The following MYF6 variants were observed in gnomAD, a reference collection of about 807,000 sequenced individuals.
MYF6 encodes the protein myogenic factor 6, also known as class C basic helix-loop-helix protein 4.
MYF6 carries 20 observed loss-of-function variants against 21.7 expected under a neutral mutation model. The ratio of observed to expected loss-of-function variants is 0.92; its 90% CI spans 0.65 to 1.34. The LOEUF is 1.34. Ranked by LOEUF, MYF6 falls within the 40% of genes most tolerant of loss-of-function variation. MYF6 has a pLI of 0.00. For missense variants in MYF6, 320 were observed against 304.1 expected, an observed-to-expected ratio of 1.05 and a Z score of -0.39; for synonymous variants, 124 against 124.7, an observed-to-expected ratio of 0.99 and a Z score of 0.04.
chr12:80,707,849 T>C lies in MYF6; in HGVS notation c.130T>C (p.Cys44Arg). 2 of 1,614,182 alleles carry C rather than the reference T, an allele frequency of 1.2e-6. No homozygotes were observed. Among genetic ancestry groups the C allele is most frequent in the Non-Finnish European group, 1.7e-6 (2 of 1,180,034 alleles). The part of the protein sequence containing the change: ...YPGSDGTLSP[C>R]QDQMPPEAGS... ...AGGGAGTGATGGTACCTTGTCCCCC[T>C]GCCAGGACCAAATGCCCCCGGAAGC... is the stretch of plus-strand genomic sequence containing the variant. Residue 44 changes from cysteine (C) to arginine (R), a missense_variant, in exon 1 of 3, where the codon TGC becomes CGC. Cys to Arg is a radical substitution (Grantham distance 180). Coordinates refer to ENST00000228641, the MANE Select transcript of MYF6 (RefSeq NM_002469.3).
At position 80,709,099 on chromosome 12, in the gene MYF6, A is replaced by C; in HGVS notation, c.*139A>C. 1.4e-6 allele frequency: 1 copy of C among 724,130 alleles called. No individual in the cohort carries two copies. The highest frequency in any genetic ancestry group is 2.3e-5 in the Admixed American group (1 of 44,200). 44.9% of individuals were successfully genotyped at this position (724,130 alleles called of 1,614,324 possible). A position where few individuals can be genotyped will look rare whatever the true frequency, so the allele number is the denominator to read the frequency against. On this transcript the variant is annotated 3_prime_UTR_variant, in exon 3 of 3. Transcript: ENST00000228641. ...AAGTTGCTGAAAGGGAAGGAGACAC[A>C]TTCACAAAGAAACGTTGCGAAAATT...
chr12:80,708,454 C>G (rs893583173), intron 1 of MYF6, 70 bp from the exon 2 acceptor site: 2 of 1,290,060 alleles, frequency 1.6e-6, no homozygotes, highest in African/African-American at 2.9e-5. Flanking sequence ...GAAAGCCGCC[C>G]CCCACCCCAC....
rs758516732 is a variant in MYF6 at position 80,708,173 on chromosome 12, G to A, written c.454G>A (p.Asp152Asn). The change falls in exon 1 of 3, where the codon GAT becomes AAT. Residue 152 changes from aspartate (D) to asparagine (N), a missense_variant. Transcript: ENST00000228641. ...GCTGCAGGACCTGCTGCACCGGCTGGATCAGCAGGAGAAGATGCAGGAGCT... is the reference window on the plus strand; with the variant it reads ...GCTGCAGGACCTGCTGCACCGGCTGAATCAGCAGGAGAAGATGCAGGAGCT... ...ERLQDLLHRL[D>N]QQEKMQELGV... 1 of 1,613,920 alleles carries A rather than the reference G, an allele frequency of 6.2e-7. No homozygotes were observed. The highest frequency in any genetic ancestry group is 1.7e-5 in the Admixed American group (1 of 60,028).
chr12:80,708,281 T>C, intron 1 of MYF6, 43 bp downstream of exon 1: 1 of 1,587,414 alleles, frequency 6.3e-7, no homozygotes, highest in Non-Finnish European at 8.5e-7. Flanking sequence ...CGAAGGCTGA[T>C]TAAACGCCTT....
In MYF6 at chr12:80,709,352, T is replaced by C. The variant is rs990381489; in HGVS notation, c.*392T>C. On this transcript the variant is annotated 3_prime_UTR_variant, in exon 3 of 3. Transcript: ENST00000228641. The stretch of plus-strand genomic sequence containing the variant: ...ATGTTAGGGGTATTTAATGTATTTT[T>C]GTAAATAGTTTAACACTTTCTTTTT... The C allele has an allele frequency of 5.6e-6, 1 of 179,926 alleles. No individual in the cohort carries two copies. The highest frequency in any genetic ancestry group is 2.4e-5 in the African/African-American group (1 of 41,990). The allele number at this position is 179,926 out of a possible 1,614,324, so 11.1% of individuals were successfully genotyped here. A position where few individuals can be genotyped will look rare whatever the true frequency, so the allele number is the denominator to read the frequency against.
intron 1 of MYF6, 65 bp from the exon 2 acceptor site, chr12:80,708,459 C>A (rs1042237241): frequency 1.3e-5 from 16 of 1,247,732 alleles, no homozygotes; most frequent in South Asian, 4.8e-5. Flanking sequence ...CCGCCCCCCA[C>A]CCCACCCCAA....
At chr12:80,708,453 C>G (rs1183189702) in intron 1 of MYF6, 71 bp from the exon 2 acceptor site, 2 of 1,312,676 alleles carry the variant, frequency 1.5e-6, no homozygotes, top group African/African-American at 2.9e-5. Context: ...GGAAAGCCGC[C>G]CCCCACCCCA....
rs2121343890 is a variant in MYF6 at position 80,707,909 on chromosome 12, G to C, written c.190G>C (p.Ala64Pro). 5 of 1,614,146 alleles carry C rather than the reference G, an allele frequency of 3.1e-6. No individual in the cohort carries two copies. The highest frequency in any genetic ancestry group is 4.2e-6 in the Non-Finnish European group (5 of 1,180,026). The change falls in exon 1 of 3, where the codon GCG becomes CCG. Residue 64 changes from alanine to proline, a missense_variant. Transcript: ENST00000228641. ...CAGCAGCGGAGAGGAACATGTCCTG[G>C]CGCCCCCGGGCCTGCAGCCTCCACA... Reference protein sequence around the residue: ...SDSSGEEHVLAPPGLQPPHCP... With the variant: ...SDSSGEEHVLPPPGLQPPHCP...
chr12:80,709,027 C>A lies in MYF6; in HGVS notation c.*67C>A. On this transcript the variant is annotated 3_prime_UTR_variant, in exon 3 of 3. Coordinates refer to ENST00000228641, the MANE Select transcript of MYF6 (RefSeq NM_002469.3). Reference sequence around the variant, plus strand: ...CCCACCGACCCTTCCTGGCCTAATCCTTTAGATTAGGTCACATTACATTAA... The same window carrying A: ...CCCACCGACCCTTCCTGGCCTAATCATTTAGATTAGGTCACATTACATTAA... The A allele has an allele frequency of 8.1e-7, 1 of 1,234,578 alleles. No individual in the cohort carries two copies. 76.5% of individuals were successfully genotyped at this position (1,234,578 alleles called of 1,614,324 possible). A position where few individuals can be genotyped will look rare whatever the true frequency, so the allele number is the denominator to read the frequency against.
chr12:80,709,010 C>A lies in MYF6; in HGVS notation c.*50C>A. Reference sequence around the variant, plus strand: ...CCACGCAGCAGGAAGATCCCACCGACCCTTCCTGGCCTAATCCTTTAGATT... The same window carrying A: ...CCACGCAGCAGGAAGATCCCACCGAACCTTCCTGGCCTAATCCTTTAGATT... On this transcript the variant is annotated 3_prime_UTR_variant, in exon 3 of 3. Coordinates refer to ENST00000228641, the MANE Select transcript of MYF6 (RefSeq NM_002469.3). 7.3e-7 allele frequency: 1 copy of A among 1,367,440 alleles called. No individual in the cohort carries two copies. The highest frequency in any genetic ancestry group is 1.0e-6 in the Non-Finnish European group (1 of 956,002). The allele number at this position is 1,367,440 out of a possible 1,614,324, so 84.7% of individuals were successfully genotyped here. A position where few individuals can be genotyped will look rare whatever the true frequency, so the allele number is the denominator to read the frequency against.
Position 80,707,716 on chromosome 12 carries a change from G to A in MYF6, c.-4G>A, listed in dbSNP as rs755287856. 1 of 1,614,180 alleles carries A rather than the reference G, an allele frequency of 6.2e-7. No homozygotes were observed. Among genetic ancestry groups the A allele is most frequent in the Admixed American group, 1.7e-5 (1 of 60,032 alleles). On this transcript the variant is annotated 5_prime_UTR_variant, in exon 1 of 3. Coordinates refer to ENST00000228641, the MANE Select transcript of MYF6 (RefSeq NM_002469.3). Reference sequence around the variant, plus strand: ...AGATCGAGTCAGAGGCCAAGGAGGAGAACATGATGATGGACCTTTTTGAAA... The same window carrying A: ...AGATCGAGTCAGAGGCCAAGGAGGAAAACATGATGATGGACCTTTTTGAAA...
intron 1 of MYF6, 83 bp from the exon 2 acceptor site, chr12:80,708,441 C>A (rs1868407873): frequency 6.8e-7 from 1 of 1,464,832 alleles, no homozygotes. Context: ...CCCGAGGAAG[C>A]AGGAAAGCCG....
In MYF6 at chr12:80,708,180, A is replaced by T. The variant is rs751802952; in HGVS notation, c.461A>T (p.Gln154Leu). ...GACCTGCTGCACCGGCTGGATCAGC[A>T]GGAGAAGATGCAGGAGCTGGGGGTG... ...LQDLLHRLDQQEKMQELGVDP... is the reference protein window; with the variant it reads ...LQDLLHRLDQLEKMQELGVDP... Residue 154 changes from glutamine to leucine, a missense_variant, in exon 1 of 3, where the codon CAG (glutamine) becomes CTG (leucine). Coordinates refer to ENST00000228641, the MANE Select transcript of MYF6 (RefSeq NM_002469.3). The T allele has an allele frequency of 3.7e-6, 6 of 1,613,826 alleles. No homozygotes were observed. In the Admixed American group the frequency reaches 1.0e-4, roughly 27 times the overall value.
At chr12:80,708,479 C>T (rs752931471) in intron 1 of MYF6, 45 bp from the exon 2 acceptor site, 7 of 1,548,518 alleles carry the variant, frequency 4.5e-6, no homozygotes, top group Admixed American at 3.3e-5. Flanking sequence ...ACCCCGGAAC[C>T]GATGTTTCTT....
chr12:80,708,238 T>C lies in MYF6; in HGVS notation c.519T>C (p.Asn173=). 5 of 1,609,398 alleles carry C rather than the reference T, an allele frequency of 3.1e-6. No homozygotes were observed. Among genetic ancestry groups the C allele is most frequent in the Non-Finnish European group, 4.2e-6 (5 of 1,179,020 alleles). Residue 173 remains asparagine (N), a splice_region_variant and synonymous_variant, in exon 1 of 3, where the codon AAT becomes AAC. Transcript: ENST00000228641. ...DPFSYRPKQE[N]LEGADFLRTC... ...TCAGCTACAGACCCAAACAAGAAAA[T>C]GTAAGCCTAGATGCTGCCGGGGCAG...
rs1868430023 is a variant in MYF6, at chr12:80,709,117, C to A, written c.*157C>A. On this transcript the variant is annotated 3_prime_UTR_variant, in exon 3 of 3. Coordinates refer to ENST00000228641, the MANE Select transcript of MYF6 (RefSeq NM_002469.3). ...GAGACACATTCACAAAGAAACGTTG[C>A]GAAAATTGCGAAATCTGTTGTGCAT... The A allele has an allele frequency of 9.3e-6, 6 of 648,028 alleles. No individual in the cohort carries two copies. The highest frequency in any genetic ancestry group is 5.1e-5 in the Admixed American group (2 of 39,470). 40.1% of individuals were successfully genotyped at this position (648,028 alleles called of 1,614,324 possible).
chr12:80,708,467 C>A, intron 1 of MYF6, 57 bp from the exon 2 acceptor site: 3 of 1,417,850 alleles, frequency 2.1e-6, no homozygotes, highest in Non-Finnish European at 3.0e-6. Context: ...CACCCCACCC[C>A]AACCCCGGAA....
chr12:80,708,885 C>A lies in MYF6; in HGVS notation c.654C>A (p.Cys218Ter). The A allele has an allele frequency of 6.2e-7, 1 of 1,614,254 alleles. No homozygotes were observed. The highest frequency in any genetic ancestry group is 8.5e-7 in the Non-Finnish European group (1 of 1,180,040). Residue 218 changes from cysteine (C) to a stop codon, truncating the protein, a stop_gained, in exon 3 of 3, where the codon TGC (cysteine) becomes TGA (stop). Transcript: ENST00000228641. LOFTEE classifies it high-confidence loss of function. ...IDSSASSSLR[C>*]LSSIVDSISS... The stretch of plus-strand genomic sequence containing the variant: ...CGTCAGCCTCGAGTAGCCTTCGATG[C>A]CTTTCTTCCATCGTGGACAGTATTT...
At position 80,707,673 on chromosome 12, in the gene MYF6, G is replaced by T. The variant is rs753767820; in HGVS notation, c.-47G>T. 43 of 1,612,136 alleles carry T rather than the reference G, an allele frequency of 2.7e-5. No homozygotes were observed. The Middle Eastern group carries it at 6.7e-4, about 25-fold the overall frequency. On this transcript the variant is annotated 5_prime_UTR_variant, in exon 1 of 3. It introduces an in-frame stop codon into an upstream open reading frame of the 5' UTR. Transcript: ENST00000228641. ...ATCTGGGTGGTTCCTCTGGGTTTTT[G>T]AGTCCATCACCCAGTTCAGATCGAG...
Sources: allele counts gnomAD v4.1 joint callset, GRCh38; gene constraint gnomAD v4.1.1; transcripts MANE v1.5; gene names NCBI Gene and HGNC (gene_info 2026-07-23, HGNC 2026-07-21).